The following PMM2 variants were observed in gnomAD, a reference collection of about 807,000 sequenced individuals.
The protein encoded by PMM2 is mannose-6-phosphate isomerase.
A neutral mutation model predicts 33.2 loss-of-function variants in PMM2; 35 were observed. The ratio of observed to expected loss-of-function variants is 1.06; its 90% CI spans 0.81 to 1.40. The LOEUF (loss-of-function observed/expected upper bound fraction) is 1.40, where lower values mean the gene tolerates loss of function less well. Among genes scored for constraint, PMM2 ranks in the 40% most tolerant of loss-of-function variants. The pLI, the probability that PMM2 is intolerant of heterozygous loss-of-function variation, is 0.00. For missense variants in PMM2, 386 were observed against 306.0 expected (o/e 1.26, Z -1.95); for synonymous variants, 153 against 114.7 (o/e 1.33, Z -2.13).
Position 8,799,571 on chromosome 16 carries a change from CAG to C in PMM2, c.66+1626_66+1627del, listed in dbSNP as rs550475809. On this transcript the variant is annotated intron_variant, in intron 1 of 7. Transcript: ENST00000268261. ...TCTGACTCTTTTTTTTTTTTTAAGA[CAG>C]AGTCTCACTCTGTCACCAGACTGGA... is the stretch of plus-strand genomic sequence containing the variant. Among the ~76,000 whole-genome samples the C allele has an allele frequency of 9.2e-4, 139 of 150,688 alleles. No homozygotes were observed. The East Asian group carries it at 0.025, about 28-fold the overall frequency.
At chr16:8,830,156 C>A (rs2060801503) in intron 7 of PMM2, among the ~76,000 whole-genome samples, 1 of 152,174 alleles carries the variant, frequency 6.6e-6, no homozygotes, top group African/African-American at 2.4e-5. Flanking sequence ...AGTGTCAGCC[C>A]CCAGTCGAAG....
intron 4 of PMM2, chr16:8,810,841 A>G (rs1414054162): frequency 1.4e-5 from 8 of 563,154 alleles, no homozygotes; most frequent in Middle Eastern, 4.8e-4. Context: ...GATTGATGCA[A>G]TTACATTCCT....
At chr16:8,845,256 A>G (rs1038362303) in intron 7 of PMM2, among the ~76,000 whole-genome samples, 1 of 152,172 alleles carries the variant, frequency 6.6e-6, no homozygotes, top group Non-Finnish European at 1.5e-5. Context: ...GAGAATTTCA[A>G]AGAACCTTCT....
chr16:8,838,704 G>A (rs1421101426), intron 7 of PMM2, among the ~76,000 whole-genome samples: 1 of 152,034 alleles, frequency 6.6e-6, no homozygotes, highest in Non-Finnish European at 1.5e-5. Flanking sequence ...CCAAATAAAA[G>A]AAGGAGAAAA....
At chr16:8,832,289 C>T (rs1361310504) in intron 7 of PMM2, 3 of 985,340 alleles carry the variant, frequency 3.0e-6, no homozygotes, top group Non-Finnish European at 3.6e-6. Flanking sequence ...CCGTGCGGCT[C>T]TCTGAAAGCG....
intron 7 of PMM2, among the ~76,000 whole-genome samples, chr16:8,817,030 C>A (rs1053178475): frequency 1.3e-5 from 2 of 152,118 alleles, no homozygotes; most frequent in Admixed American, 1.3e-4. Context: ...GCAATTGTCC[C>A]GCTTCAGCCT....
intron 7 of PMM2, among the ~76,000 whole-genome samples, chr16:8,846,071 G>T (rs1253945403): frequency 2.0e-5 from 3 of 152,312 alleles, no homozygotes; most frequent in South Asian, 2.1e-4. Flanking sequence ...CCAGTACAAG[G>T]CCCTGACAGG....
intron 2 of PMM2, among the ~76,000 whole-genome samples, chr16:8,803,857 T>C (rs1350197590): frequency 6.6e-6 from 1 of 150,500 alleles, no homozygotes; most frequent in Non-Finnish European, 1.5e-5. Context: ...CTAATTTTTG[T>C]ATTTTTAGTA....
chr16:8,815,933 A>G (rs1464571828), intron 7 of PMM2, among the ~76,000 whole-genome samples: 1 of 152,132 alleles, frequency 6.6e-6, no homozygotes, highest in East Asian at 1.9e-4. Context: ...TCCAAAATGT[A>G]TAAGAAACTC....
rs1269878657 is a variant in PMM2, at chr16:8,811,618, T to C, written c.448-20T>C. On this transcript the variant is annotated intron_variant, in intron 5 of 7. Coordinates refer to ENST00000268261, the MANE Select transcript of PMM2 (RefSeq NM_000303.3). Reference sequence around the variant, plus strand: ...AAACTGCAATACAAGAAACAATTGGTATCTTTTTGTTTTTCTCAGAAAGAA... The same window carrying C: ...AAACTGCAATACAAGAAACAATTGGCATCTTTTTGTTTTTCTCAGAAAGAA... 6.7e-7 allele frequency: 1 copy of C among 1,492,534 alleles called. No homozygotes were observed. The highest frequency in any genetic ancestry group is 1.1e-5 in the South Asian group (1 of 88,650). The allele number at this position is 1,492,534 out of a possible 1,614,324, so 92.5% of individuals were successfully genotyped here.
At chr16:8,823,797 C>T (rs754148688) in intron 7 of PMM2, among the ~76,000 whole-genome samples, 51 of 152,242 alleles carry the variant, frequency 3.3e-4, no homozygotes, top group Non-Finnish European at 5.7e-4. Context: ...TCTTTATTTA[C>T]CACAGTTCAG....
At chr16:8,835,685 G>A (rs2060840983) in intron 7 of PMM2, among the ~76,000 whole-genome samples, 1 of 151,986 alleles carries the variant, frequency 6.6e-6, no homozygotes, top group African/African-American at 2.4e-5. Flanking sequence ...GAATTGTAAG[G>A]AGAGTTTATA....
intron 7 of PMM2, among the ~76,000 whole-genome samples, chr16:8,846,731 C>G (rs1431139221): frequency 6.6e-6 from 1 of 152,210 alleles, no homozygotes; most frequent in African/African-American, 2.4e-5. Flanking sequence ...AAGCTTCCAT[C>G]ATGACCCCAT....
chr16:8,838,542 C>T (rs927805213), intron 7 of PMM2, among the ~76,000 whole-genome samples: 1 of 151,686 alleles, frequency 6.6e-6, no homozygotes, highest in African/African-American at 2.4e-5. Context: ...GGCGTGGGAA[C>T]CTAGAGTGGG....
intron 7 of PMM2, among the ~76,000 whole-genome samples, chr16:8,846,985 TC>T (rs1418264896): frequency 6.6e-6 from 1 of 152,126 alleles, no homozygotes; most frequent in Non-Finnish European, 1.5e-5. Context: ...TGCCTCAGCC[TC>T]CCGAGCAGCT....
chr16:8,815,302 C>T (rs1458489754), intron 7 of PMM2, among the ~76,000 whole-genome samples: 1 of 151,628 alleles, frequency 6.6e-6, no homozygotes, highest in East Asian at 1.9e-4. Flanking sequence ...TCACTGCAAC[C>T]TCCACCTCCC....
At chr16:8,826,198 T>TGTAG (rs138809910) in intron 7 of PMM2, among the ~76,000 whole-genome samples, 6,905 of 152,314 alleles carry the variant, frequency 0.045, 228 homozygotes, top group Middle Eastern at 0.13. Flanking sequence ...CAAAGTTAAT[T>TGTAG]TTTCACAAAC....
rs557853534 is a variant in PMM2 at position 8,834,074 on chromosome 16, A to AT, written c.640-13649dup. ...AGTCTAAGTTGGTCTGGTGTCTGGA[A>AT]TGAGACTGGGGCCTAATAAAAAGGA... On this transcript the variant is annotated intron_variant, in intron 7 of 7. Coordinates refer to ENST00000268261, the MANE Select transcript of PMM2 (RefSeq NM_000303.3). Among the ~76,000 whole-genome samples, 206 of 152,290 alleles carry AT rather than the reference A, an allele frequency of 1.4e-3. 1 individual carries two copies. Among genetic ancestry groups the AT allele is most frequent in the African/African-American group, 4.6e-3 (193 of 41,536 alleles).
intron 6 of PMM2, 136 bp from the exon 7 acceptor site, chr16:8,812,855 A>G (rs1185705625): frequency 2.8e-6 from 2 of 707,646 alleles, no homozygotes; most frequent in African/African-American, 3.5e-5. Context: ...GAAGTAGTCT[A>G]AGTAGCAAAC....
Sources: gnomAD v4.1 joint callset for allele counts (sites outside exome capture counted in the v4.1 genomes callset) on GRCh38, gnomAD v4.1.1 for gene constraint, MANE v1.5 for transcripts, NCBI Gene and HGNC (gene_info 2026-07-23, HGNC 2026-07-21) for gene names.